The following SPATA13 variants were observed in gnomAD, a reference collection of about 807,000 sequenced individuals.
SPATA13 encodes spermatogenesis-associated protein 13.
In SPATA13, 50 loss-of-function variants were observed where a neutral mutation model predicts 104.0. That is an observed-to-expected ratio of 0.48 (90% CI 0.38 to 0.61). The LOEUF (loss-of-function observed/expected upper bound fraction) is 0.61, where lower values mean the gene tolerates loss of function less well. Among genes scored for constraint, SPATA13 ranks in the 20% least tolerant of loss-of-function variants. The pLI, the probability that SPATA13 is intolerant of heterozygous loss-of-function variation, is 0.00. For synonymous variants in SPATA13, 606 were observed against 667.5 expected, an observed-to-expected ratio of 0.91 and a Z score of 1.42; for missense variants, 1,524 against 1,690.6, an observed-to-expected ratio of 0.90 and a Z score of 1.73.
At chr13:24,099,858 G>A (rs1880199617) in intron 3 of SPATA13, among the ~76,000 whole-genome samples, 1 of 152,208 alleles carries the variant, frequency 6.6e-6, no homozygotes, top group Non-Finnish European at 1.5e-5. Context: ...ATTTTAAACT[G>A]TCAAGACTAA....
At chr13:24,022,368 C>G (rs1209435973) in intron 3 of SPATA13, among the ~76,000 whole-genome samples, 1 of 152,150 alleles carries the variant, frequency 6.6e-6, no homozygotes, top group Non-Finnish European at 1.5e-5. Context: ...TTGCAGTATT[C>G]TGAAACTGAT....
chr13:24,077,664 C>G (rs1879379990), intron 3 of SPATA13, among the ~76,000 whole-genome samples: 1 of 152,076 alleles, frequency 6.6e-6, no homozygotes, highest in African/African-American at 2.4e-5. Context: ...AATTTGGATT[C>G]ATATTGGAAG....
intron 2 of SPATA13, among the ~76,000 whole-genome samples, chr13:24,234,724 G>A (rs1355908138): frequency 6.6e-6 from 1 of 152,182 alleles, no homozygotes; most frequent in African/African-American, 2.4e-5. Flanking sequence ...TAGAGAGAGG[G>A]GCCCTGTGGA....
intron 3 of SPATA13, among the ~76,000 whole-genome samples, chr13:24,117,227 G>C (rs1421285715): frequency 6.6e-6 from 1 of 152,174 alleles, no homozygotes; most frequent in African/African-American, 2.4e-5. Context: ...TACAGATTTA[G>C]TAATCTCTAT....
At chr13:24,141,361 G>C (rs893751659) in intron 3 of SPATA13, among the ~76,000 whole-genome samples, 1 of 152,066 alleles carries the variant, frequency 6.6e-6, no homozygotes, top group Non-Finnish European at 1.5e-5. Context: ...CATACTGAGT[G>C]CTCTGAGGAA....
intron 3 of SPATA13, among the ~76,000 whole-genome samples, chr13:24,041,719 A>G (rs1877936194): frequency 1.3e-5 from 2 of 152,298 alleles, no homozygotes; most frequent in South Asian, 4.2e-4. Flanking sequence ...CAGGATGAGT[A>G]GTGGATCAGG....
At chr13:24,280,125 C>T (rs1009211183) in intron 4 of SPATA13, among the ~76,000 whole-genome samples, 4 of 152,204 alleles carry the variant, frequency 2.6e-5, no homozygotes, top group African/African-American at 9.7e-5. Context: ...CATCCTCCCA[C>T]CTCAGCCTCC....
intron 1 of SPATA13, among the ~76,000 whole-genome samples, chr13:24,170,257 G>A (rs947341415): frequency 2.0e-4 from 30 of 152,206 alleles, no homozygotes; most frequent in Admixed American, 5.2e-4. Flanking sequence ...TTTTAAGCCT[G>A]CTGTGATTAA....
intron 1 of SPATA13, among the ~76,000 whole-genome samples, chr13:23,982,731 G>A (rs1874960158): frequency 6.6e-6 from 1 of 152,204 alleles, no homozygotes; most frequent in Non-Finnish European, 1.5e-5. Flanking sequence ...TTTTAAATAT[G>A]TGAGAAAACA....
chr13:24,275,890 C>T (rs921586901), intron 4 of SPATA13, among the ~76,000 whole-genome samples: 2 of 152,334 alleles, frequency 1.3e-5, no homozygotes, highest in Non-Finnish European at 2.9e-5. Context: ...GCTGAGATCG[C>T]GCCACAGCAC....
rs1418943254 is a variant in SPATA13, at chr13:24,224,128, G to C, written c.1199G>C (p.Gly400Ala). The C allele has an allele frequency of 6.4e-7, 1 of 1,551,654 alleles. No individual in the cohort carries two copies. Among genetic ancestry groups the C allele is most frequent in the Non-Finnish European group, 8.7e-7 (1 of 1,146,994 alleles). The change falls in exon 2 of 13, where the codon GGG becomes GCG. Residue 400 changes from glycine to alanine, a missense_variant. By Grantham distance (60) the Gly-to-Ala change is moderately conservative (BLOSUM62 0). Transcript: ENST00000382108. The stretch of plus-strand genomic sequence containing the variant: ...GGTTTCGGCTCAGCCACCTCTAAGG[G>C]GCCCCACCTAGACGCTGACACTGCC... ...APGFGSATSK[G>A]PHLDADTAVF...
intron 1 of SPATA13, among the ~76,000 whole-genome samples, chr13:24,164,487 C>G (rs1206517242): frequency 6.6e-6 from 1 of 152,162 alleles, no homozygotes. Context: ...CTTCATCACT[C>G]CCTCCTAGGA....
Position 24,249,761 on chromosome 13 carries a change from A to T in SPATA13, c.1938A>T (p.Arg646Ser), listed in dbSNP as rs765671845. ...TGGGCTGCCCCAAAGGAGCCCGGAG[A>T]AGGCGCCCCATTTCCGTGATAGGTG... ...APVGCPKGAR[R>S]RRPISVIGGV... The change falls in exon 3 of 13, where the codon AGA becomes AGT. Residue 646 changes from arginine to serine, a missense_variant. By Grantham distance (110) the Arg-to-Ser change is moderately radical (BLOSUM62 -1). Coordinates refer to ENST00000382108, the MANE Select transcript of SPATA13 (RefSeq NM_001166271.3). The T allele has an allele frequency of 4.3e-6, 7 of 1,614,092 alleles. No individual in the cohort carries two copies. Among genetic ancestry groups the T allele is most frequent in the Non-Finnish European group, 5.1e-6 (6 of 1,180,034 alleles).
At chr13:24,078,106 G>A (rs1879392632) in intron 3 of SPATA13, among the ~76,000 whole-genome samples, 1 of 152,126 alleles carries the variant, frequency 6.6e-6, no homozygotes, top group Non-Finnish European at 1.5e-5. Flanking sequence ...CTGCACGTGT[G>A]TCAGAGCTCT....
At chr13:24,151,142 G>A (rs1454132193) in intron 3 of SPATA13, among the ~76,000 whole-genome samples, 1 of 152,176 alleles carries the variant, frequency 6.6e-6, no homozygotes, top group African/African-American at 2.4e-5. Context: ...ACACAGTTCT[G>A]GAGACAGAAT....
At chr13:24,116,447 G>A (rs1489539444) in intron 3 of SPATA13, among the ~76,000 whole-genome samples, 1 of 152,224 alleles carries the variant, frequency 6.6e-6, no homozygotes, top group Non-Finnish European at 1.5e-5. Flanking sequence ...ACAGCAGCAG[G>A]TGGGGATCGT....
chr13:24,047,710 G>A (rs879930054), intron 3 of SPATA13, among the ~76,000 whole-genome samples: 4 of 152,026 alleles, frequency 2.6e-5, no homozygotes, highest in Non-Finnish European at 5.9e-5. Context: ...TTTTCATGTT[G>A]GCTTTTTCAC....
At chr13:23,983,963 C>T in intron 2 of SPATA13, 1 of 984,086 alleles carries the variant, frequency 1.0e-6, no homozygotes, top group Non-Finnish European at 1.2e-6. Flanking sequence ...GCCTGCATGG[C>T]ATTATCCATG....
At chr13:24,023,293 G>A (rs1452851118) in intron 3 of SPATA13, among the ~76,000 whole-genome samples, 1 of 152,162 alleles carries the variant, frequency 6.6e-6, no homozygotes, top group Non-Finnish European at 1.5e-5. Context: ...GTATTCCATG[G>A]TGTGTATGCA....
Sources: allele counts gnomAD v4.1 joint callset (sites outside exome capture counted in the v4.1 genomes callset), GRCh38; gene constraint gnomAD v4.1.1; transcripts MANE v1.5; gene names NCBI Gene and HGNC (gene_info 2026-07-23, HGNC 2026-07-21).